Variants in MNS1 observed in about 807,000 individuals in gnomAD.
The protein encoded by MNS1 is meiosis-specific nuclear structural protein 1.
MNS1 carries 63 observed loss-of-function variants against 72.0 expected under a neutral mutation model. The ratio of observed to expected loss-of-function variants is 0.87; its 90% CI spans 0.71 to 1.08. The LOEUF (loss-of-function observed/expected upper bound fraction) is 1.08, where lower values mean the gene tolerates loss of function less well. Ranked by LOEUF, MNS1 falls within the 50% of genes least tolerant of loss-of-function variation. MNS1 has a pLI of 0.00. For missense variants in MNS1, 604 were observed against 562.4 expected (o/e 1.07, Z -0.75); for synonymous variants, 188 against 172.1 (o/e 1.09, Z -0.72).
intron 2 of MNS1, chr15:56,463,716 A>T (rs2051037820): frequency 4.2e-6 from 1 of 239,578 alleles, no homozygotes; most frequent in South Asian, 9.2e-5. Context: ...CCGGAGGCAG[A>T]GGTTGCAGTG....
At chr15:56,430,794 C>G (rs1486900454) in intron 9 of MNS1, among the ~76,000 whole-genome samples, 1 of 152,190 alleles carries the variant, frequency 6.6e-6, no homozygotes, top group Non-Finnish European at 1.5e-5. Context: ...CATACACATT[C>G]TCATCTTTGG....
At chr15:56,447,018 C>A in intron 3 of MNS1, 75 bp from the exon 4 acceptor site, 1 of 991,366 alleles carries the variant, frequency 1.0e-6, no homozygotes, top group Non-Finnish European at 1.5e-6. Flanking sequence ...AACTGAGTAA[C>A]TGTATTTTTA....
intron 2 of MNS1, among the ~76,000 whole-genome samples, chr15:56,462,409 A>G (rs190627334): frequency 4.1e-4 from 62 of 152,326 alleles, no homozygotes; most frequent in East Asian, 7.7e-4. Context: ...TTGTGACACA[A>G]TGACAAAGAC....
At position 56,444,592 on chromosome 15, in the gene MNS1, G is replaced by T. The variant is rs139643304; in HGVS notation, c.538C>A (p.Arg180=). 198 of 1,612,182 alleles carry T rather than the reference G, an allele frequency of 1.2e-4. No homozygotes were observed. The highest frequency in any genetic ancestry group is 2.5e-4 in the East Asian group (11 of 44,804). ...TAGTACTGTGCTTTCGCTTTGTTTCGTTTGTCTTCTGCAGCATTCTCTTCC... is the reference window on the plus strand; with the variant it reads ...TAGTACTGTGCTTTCGCTTTGTTTCTTTTGTCTTCTGCAGCATTCTCTTCC... ...IKEENAAEDK[R]NKAKAQYYLD... The change falls in exon 5 of 10, where the codon CGA becomes AGA. Residue 180 remains arginine, a synonymous_variant. Coordinates refer to ENST00000260453, the MANE Select transcript of MNS1 (RefSeq NM_018365.4).
At chr15:56,430,704 G>GT (rs1319181420) in intron 9 of MNS1, among the ~76,000 whole-genome samples, 4 of 151,974 alleles carry the variant, frequency 2.6e-5, no homozygotes, top group Non-Finnish European at 5.9e-5. Context: ...TCTTTGGCAT[G>GT]TAAGTACTAC....
Position 56,428,844 on chromosome 15 carries a change from T to C in MNS1, c.*257A>G, listed in dbSNP as rs1204342443. 1 of 407,786 alleles carries C rather than the reference T, an allele frequency of 2.5e-6. No homozygotes were observed. The highest frequency in any genetic ancestry group is 2.1e-5 in the African/African-American group (1 of 47,972). 25.3% of individuals were successfully genotyped at this position (407,786 alleles called of 1,614,324 possible). A position where few individuals can be genotyped will look rare whatever the true frequency, so the allele number is the denominator to read the frequency against. On this transcript the variant is annotated 3_prime_UTR_variant, in exon 10 of 10. Transcript: ENST00000260453. ...TCTGTATTAGTCAAGGTAAATATACTGTCTTGAGGATGGGGATGCAAACAG... is the reference window on the plus strand; with the variant it reads ...TCTGTATTAGTCAAGGTAAATATACCGTCTTGAGGATGGGGATGCAAACAG...
rs898692591 is a variant in MNS1 at position 56,434,312 on chromosome 15, T to C, written c.1095A>G (p.Leu365=). 6 of 1,613,892 alleles carry C rather than the reference T, an allele frequency of 3.7e-6. No individual in the cohort carries two copies. The highest frequency in any genetic ancestry group is 4.5e-5 in the East Asian group (2 of 44,874). ...EEQMALKELV[L]QAAKEEEENF... ...TCTCCTCTTCCTCTTTTGCAGCCTG[T>C]AGCACTAATTCCTTCAAGGCCATTT... Residue 365 remains leucine, a synonymous_variant, in exon 8 of 10, where the codon CTA becomes CTG. Coordinates refer to ENST00000260453, the MANE Select transcript of MNS1 (RefSeq NM_018365.4).
At chr15:56,447,588 C>T (rs2050916357) in intron 3 of MNS1, 2 of 152,060 alleles carry the variant, frequency 1.3e-5, no homozygotes, top group African/African-American at 4.8e-5. Flanking sequence ...TACAGAAATA[C>T]AATTAATGTT....
chr15:56,449,346 G>T (rs922646715), intron 3 of MNS1, among the ~76,000 whole-genome samples: 5 of 146,300 alleles, frequency 3.4e-5, no homozygotes, highest in Admixed American at 1.3e-4. Context: ...ATAGAGTGAT[G>T]ATTCATATCA....
chr15:56,441,438 T>C (rs2050812739), intron 7 of MNS1, among the ~76,000 whole-genome samples: 6 of 152,212 alleles, frequency 3.9e-5, no homozygotes, highest in Admixed American at 3.9e-4. Flanking sequence ...CGGTTCTGAC[T>C]ACCTAGTCTA....
chr15:56,429,028 T>C lies in MNS1; in HGVS notation c.*73A>G. On this transcript the variant is annotated 3_prime_UTR_variant, in exon 10 of 10. Transcript: ENST00000260453. ...CAATGGATACCTAATGCCACTGAAC[T>C]GTAAAACAAAAGTTATGCTGACATC... is the stretch of plus-strand genomic sequence containing the variant. 1 of 937,418 alleles carries C rather than the reference T, an allele frequency of 1.1e-6. No homozygotes were observed. The allele number at this position is 937,418 out of a possible 1,614,324, so 58.1% of individuals were successfully genotyped here.
Position 56,446,927 on chromosome 15 carries a change from A to T in MNS1, c.370T>A (p.Leu124Met). ...VRENSIELRE[L>M]EKKLKAAYMN... The stretch of plus-strand genomic sequence containing the variant: ...TAAGCTGCTTTTAATTTCTTCTCCA[A>T]TTCTCTAAGCTCAATGCTGTTTAAA... The change falls in exon 4 of 10, where the codon TTG becomes ATG. Residue 124 changes from leucine to methionine, a missense_variant. By Grantham distance (15) the Leu-to-Met change is conservative. Transcript: ENST00000260453. The T allele has an allele frequency of 6.2e-7, 1 of 1,608,348 alleles. No individual in the cohort carries two copies. The highest frequency in any genetic ancestry group is 1.1e-5 in the South Asian group (1 of 90,962).
chr15:56,455,189 C>G (rs183835332), intron 3 of MNS1, among the ~76,000 whole-genome samples: 2 of 136,638 alleles, frequency 1.5e-5, no homozygotes, highest in Admixed American at 1.6e-4. Context: ...GTGAAAATCT[C>G]TTCTATTTAA....
chr15:56,433,978 T>C (rs1218458077), intron 8 of MNS1, among the ~76,000 whole-genome samples, 160 bp downstream of exon 8: 2 of 152,156 alleles, frequency 1.3e-5, no homozygotes, highest in Non-Finnish European at 2.9e-5. Flanking sequence ...TCAATAAATA[T>C]TTTCTAGAAG....
intron 8 of MNS1, 149 bp from the exon 9 acceptor site, chr15:56,431,647 A>G (rs141264677): frequency 3.5e-6 from 2 of 569,656 alleles, no homozygotes; most frequent in South Asian, 7.8e-5. Flanking sequence ...ATATATTTTT[A>G]AAATATATAT....
intron 7 of MNS1, among the ~76,000 whole-genome samples, chr15:56,442,298 A>G (rs756785242): frequency 6.6e-6 from 1 of 152,178 alleles, no homozygotes; most frequent in Non-Finnish European, 1.5e-5. Context: ...AACTAGTTCA[A>G]CCACTGTGAA....
intron 7 of MNS1, among the ~76,000 whole-genome samples, chr15:56,437,021 G>T (rs1303871575): frequency 3.3e-5 from 5 of 152,088 alleles, no homozygotes; most frequent in African/African-American, 7.2e-5. Context: ...TTCTACCAGA[G>T]GTACAAGGAG....
At position 56,456,426 on chromosome 15, in the gene MNS1, G is replaced by A. The variant is rs751340841; in HGVS notation, c.321C>T (p.Asp107=). 1.6e-5 allele frequency: 26 copies of A among 1,610,058 alleles called. No homozygotes were observed. The highest frequency in any genetic ancestry group is 3.3e-5 in the South Asian group (3 of 89,910). Residue 107 remains aspartate (D), a synonymous_variant, in exon 3 of 10, where the codon GAC becomes GAT. Coordinates refer to ENST00000260453, the MANE Select transcript of MNS1 (RefSeq NM_018365.4). ...LAKLKHESLK[D]EKMRQQVREN... ...CTCTTACTTGTTGCCTCATCTTTTC[G>A]TCCTTTAGACTTTCATGTTTCAGTT...
At position 56,443,722 on chromosome 15, in the gene MNS1, A is replaced by T; in HGVS notation, c.819T>A (p.Phe273Leu). The part of the protein sequence containing the change: ...MEEENRKIIE[F>L]ANMQQQREED... Reference sequence around the variant, plus strand: ...CTTCTCTTTGCTGCTGCATGTTAGCAAACTCTATGATTTTTCTGTTTTCTT... The same window carrying T: ...CTTCTCTTTGCTGCTGCATGTTAGCTAACTCTATGATTTTTCTGTTTTCTT... Residue 273 changes from phenylalanine to leucine, a missense_variant, in exon 6 of 10, where the codon TTT becomes TTA. Coordinates refer to ENST00000260453, the MANE Select transcript of MNS1 (RefSeq NM_018365.4). The T allele has an allele frequency of 6.2e-7, 1 of 1,613,296 alleles. No individual in the cohort carries two copies. Among genetic ancestry groups the T allele is most frequent in the Non-Finnish European group, 8.5e-7 (1 of 1,179,692 alleles).
Sources: gnomAD v4.1 joint callset for allele counts (sites outside exome capture counted in the v4.1 genomes callset) on GRCh38, gnomAD v4.1.1 for gene constraint, MANE v1.5 for transcripts, NCBI Gene and HGNC (gene_info 2026-07-23, HGNC 2026-07-21) for gene names.